Variants in SPOCK3 observed in about 807,000 individuals in gnomAD.
The protein encoded by SPOCK3 is testican-3.
SPOCK3 carries 30 observed loss-of-function variants against 56.6 expected under a neutral mutation model. The ratio of observed to expected loss-of-function variants is 0.53; its 90% CI spans 0.40 to 0.72. The LOEUF is 0.72. SPOCK3 is among the 30% of genes least tolerant of loss of function. The pLI, the probability that SPOCK3 is intolerant of heterozygous loss-of-function variation, is 0.00. For missense variants in SPOCK3, 527 were observed against 530.0 expected, an observed-to-expected ratio of 0.99 and a Z score of 0.06; for synonymous variants, 196 against 183.3, an observed-to-expected ratio of 1.07 and a Z score of -0.56.
intron 7 of SPOCK3, among the ~76,000 whole-genome samples, chr4:166,772,172 T>C (rs1279225284): frequency 6.6e-6 from 1 of 152,262 alleles, no homozygotes; most frequent in Admixed American, 6.5e-5. Flanking sequence ...TGATTTATTA[T>C]TGATCCTTAC....
intron 2 of SPOCK3, among the ~76,000 whole-genome samples, chr4:167,078,864 T>C (rs1243692449): frequency 6.6e-6 from 1 of 151,916 alleles, no homozygotes; most frequent in Admixed American, 6.6e-5. Context: ...TCGTCTTATA[T>C]TGCAGCTCTA....
Position 167,094,397 on chromosome 4 carries a change from C to T in SPOCK3, c.190-31860G>A, listed in dbSNP as rs144928756. Among the ~76,000 whole-genome samples the T allele has an allele frequency of 2.3e-3, 342 of 151,984 alleles. 2 individuals carry two copies. The highest frequency in any genetic ancestry group is 7.8e-3 in the African/African-American group (322 of 41,476). On this transcript the variant is annotated intron_variant, in intron 2 of 10. Transcript: ENST00000357545. ...CTAAATATTATCAAGTAAAAATCAA[C>T]AACATATAAAATAAGTATATACCCT... is the stretch of plus-strand genomic sequence containing the variant.
At chr4:167,089,147 A>ATG in intron 2 of SPOCK3, among the ~76,000 whole-genome samples, 1 of 152,102 alleles carries the variant, frequency 6.6e-6, no homozygotes, top group East Asian at 1.9e-4. Context: ...GTTTATATAT[A>ATG]TGTGTGTGTA....
intron 7 of SPOCK3, among the ~76,000 whole-genome samples, chr4:166,769,348 C>T (rs543930282): frequency 2.4e-4 from 32 of 135,208 alleles, no homozygotes; most frequent in African/African-American, 7.6e-4. Flanking sequence ...ATGATGGTGA[C>T]GTACAGATGG....
chr4:166,908,036 G>A (rs562568650), intron 5 of SPOCK3, among the ~76,000 whole-genome samples: 1 of 151,840 alleles, frequency 6.6e-6, no homozygotes, highest in Non-Finnish European at 1.5e-5. Flanking sequence ...ATACTAAAAA[G>A]TATAACATAC....
At chr4:166,745,362 C>A (rs1016270670) in intron 8 of SPOCK3, among the ~76,000 whole-genome samples, 3 of 152,158 alleles carry the variant, frequency 2.0e-5, no homozygotes, top group Non-Finnish European at 2.9e-5. Context: ...GTATTTTCAA[C>A]CCAGTATTTC....
rs1226092449 is a variant in SPOCK3, at chr4:167,067,433, A to G, written c.190-4896T>C. 3.3e-5 allele frequency among the ~76,000 whole-genome samples: 5 copies of G among 151,986 alleles called. No individual in the cohort carries two copies. In the Middle Eastern group the frequency reaches 0.01, roughly 310 times the overall value. ...ATGCTTTTGAAGACACACTTCAAAT[A>G]TGAAATGAATGTCAAAGTGATGATT... On this transcript the variant is annotated intron_variant, in intron 2 of 10. Coordinates refer to ENST00000357545, the MANE Select transcript of SPOCK3 (RefSeq NM_001040159.2).
intron 2 of SPOCK3, among the ~76,000 whole-genome samples, chr4:167,182,626 G>A (rs924957214): frequency 6.6e-6 from 1 of 151,622 alleles, no homozygotes; most frequent in African/African-American, 2.4e-5. Flanking sequence ...TGCAACCCCT[G>A]CCTCCTGGGT....
intron 2 of SPOCK3, among the ~76,000 whole-genome samples, chr4:167,138,382 A>C (rs1318338283): frequency 6.6e-6 from 1 of 151,898 alleles, no homozygotes; most frequent in Non-Finnish European, 1.5e-5. Flanking sequence ...GTTTGTATAC[A>C]TATATAGTAT....
intron 8 of SPOCK3, among the ~76,000 whole-genome samples, chr4:166,743,403 CA>C (rs1560809032): frequency 6.6e-6 from 1 of 151,870 alleles, no homozygotes; most frequent in East Asian, 1.9e-4. Flanking sequence ...TTAACATATA[CA>C]TTGTAGTTTA....
At chr4:166,977,477 G>C (rs1486651728) in intron 4 of SPOCK3, among the ~76,000 whole-genome samples, 4 of 152,048 alleles carry the variant, frequency 2.6e-5, no homozygotes, top group African/African-American at 4.8e-5. Flanking sequence ...CATAATCATA[G>C]CATTCTCTGA....
chr4:167,010,449 A>C (rs1342625321), intron 3 of SPOCK3, among the ~76,000 whole-genome samples: 1 of 147,850 alleles, frequency 6.8e-6, no homozygotes, highest in African/African-American at 2.5e-5. Flanking sequence ...GAGCCCAGGA[A>C]GTTGAGGCTG....
intron 2 of SPOCK3, among the ~76,000 whole-genome samples, chr4:167,181,955 G>A (rs1367456847): frequency 3.3e-5 from 5 of 152,080 alleles, no homozygotes; most frequent in African/African-American, 1.2e-4. Context: ...CAGCACATGT[G>A]ATAAGATGCT....
intron 2 of SPOCK3, among the ~76,000 whole-genome samples, chr4:167,064,430 T>A (rs1193360555): frequency 6.6e-6 from 1 of 151,908 alleles, no homozygotes; most frequent in African/African-American, 2.4e-5. Context: ...AATTATAGCA[T>A]GATACAATTC....
intron 2 of SPOCK3, chr4:167,083,275 C>T (rs13117458): frequency 0.14 from 104,515 of 765,056 alleles, 7,708 homozygotes; most frequent in South Asian, 0.15. Context: ...TTCCTCCAAC[C>T]AAGCCCAAAT....
At chr4:166,876,897 TA>T (rs776429883) in intron 6 of SPOCK3, among the ~76,000 whole-genome samples, 70 of 152,146 alleles carry the variant, frequency 4.6e-4, no homozygotes, top group Admixed American at 7.2e-4. Context: ...ATTGAAAGGT[TA>T]AAAATTATCA....
chr4:166,804,663 T>C (rs1161274648), intron 6 of SPOCK3, among the ~76,000 whole-genome samples: 9 of 152,168 alleles, frequency 5.9e-5, no homozygotes, highest in African/African-American at 2.2e-4. Context: ...GAATCTTAAA[T>C]ATTACATTTC....
chr4:166,973,638 G>A lies in SPOCK3; in HGVS notation c.350+26711C>T, dbSNP rs1250287909. Among the ~76,000 whole-genome samples the A allele has an allele frequency of 2.0e-5, 3 of 152,052 alleles. No homozygotes were observed. The East Asian group carries it at 5.8e-4, about 29-fold the overall frequency. ...AAGAAGAAAGAAATATAATTAGTAT[G>A]CAATGGAAATGAAAAATATTTGTCT... is the stretch of plus-strand genomic sequence containing the variant. On this transcript the variant is annotated intron_variant, in intron 4 of 10. Coordinates refer to ENST00000357545, the MANE Select transcript of SPOCK3 (RefSeq NM_001040159.2).
rs746310310 is a variant in SPOCK3 at position 167,193,420 on chromosome 4, A to G, written c.189+40565T>C. ...CCACACATTTACTTTCCTCCTCCACATACATTTTATATTATTGAGGTAATA... is the reference window on the plus strand; with the variant it reads ...CCACACATTTACTTTCCTCCTCCACGTACATTTTATATTATTGAGGTAATA... On this transcript the variant is annotated intron_variant, in intron 2 of 10. Coordinates refer to ENST00000357545, the MANE Select transcript of SPOCK3 (RefSeq NM_001040159.2). 2.7e-4 allele frequency among the ~76,000 whole-genome samples: 40 copies of G among 146,094 alleles called. 4 individuals are homozygous for G. The highest frequency in any genetic ancestry group is 4.5e-4 in the Non-Finnish European group (30 of 67,038).
Sources: gnomAD v4.1 joint callset for allele counts (sites outside exome capture counted in the v4.1 genomes callset) on GRCh38, gnomAD v4.1.1 for gene constraint, MANE v1.5 for transcripts, NCBI Gene and HGNC (gene_info 2026-07-23, HGNC 2026-07-21) for gene names.